SCARA5: variants seen among roughly 807,000 people sequenced by gnomAD.
SCARA5 encodes the protein scavenger receptor class A, member 5 (putative).
In SCARA5, 45 loss-of-function variants were observed where a neutral mutation model predicts 46.3. The observed-to-expected ratio is 0.97, with a 90% CI of 0.76 to 1.24. SCARA5 has a LOEUF of 1.24. Ranked by LOEUF, SCARA5 falls within the 50% of genes most tolerant of loss-of-function variation. SCARA5 has a pLI of 0.00. For synonymous variants in SCARA5, 333 were observed against 306.5 expected, an observed-to-expected ratio of 1.09 and a Z score of -0.90; for missense variants, 680 against 689.0, an observed-to-expected ratio of 0.99 and a Z score of 0.15.
At chr8:27,897,314 T>A (rs2129723937) in intron 7 of SCARA5, among the ~76,000 whole-genome samples, 1 of 152,282 alleles carries the variant, frequency 6.6e-6, no homozygotes, top group South Asian at 2.1e-4. Context: ...CTGCATCCAC[T>A]CCCAGCATAA....
intron 7 of SCARA5, chr8:27,904,463 C>A: frequency 2.0e-6 from 1 of 508,856 alleles, no homozygotes; most frequent in East Asian, 2.8e-5. Context: ...CTCCTGTTAT[C>A]CCTATTTTAT....
intron 2 of SCARA5, among the ~76,000 whole-genome samples, chr8:27,979,288 G>T (rs988473574): frequency 5.9e-5 from 9 of 152,190 alleles, no homozygotes; most frequent in Non-Finnish European, 1.2e-4. Context: ...GCAGGCCCAG[G>T]AGCAGAAGCA....
intron 4 of SCARA5, among the ~76,000 whole-genome samples, chr8:27,921,124 T>C (rs538969756): frequency 1.3e-5 from 2 of 152,274 alleles, no homozygotes; most frequent in East Asian, 1.9e-4. Flanking sequence ...AGGTTCAAGT[T>C]TGGAATTCTC....
chr8:27,975,396 T>C (rs1317107602), intron 2 of SCARA5, among the ~76,000 whole-genome samples: 9 of 152,186 alleles, frequency 5.9e-5, no homozygotes, highest in Admixed American at 6.5e-5. Flanking sequence ...GGAAGCACTC[T>C]AGCAAATTAA....
intron 3 of SCARA5, among the ~76,000 whole-genome samples, chr8:27,923,002 C>T (rs1175406211): frequency 6.6e-6 from 1 of 152,242 alleles, no homozygotes; most frequent in African/African-American, 2.4e-5. Flanking sequence ...ATGAGCAATA[C>T]ATTTGTTGCT....
At chr8:27,913,183 A>C (rs1207743759) in intron 4 of SCARA5, among the ~76,000 whole-genome samples, 3 of 152,162 alleles carry the variant, frequency 2.0e-5, no homozygotes, top group Non-Finnish European at 4.4e-5. Flanking sequence ...TGTTTTAAAC[A>C]TAACTATGTG....
At chr8:27,900,859 C>T (rs7002829) in intron 7 of SCARA5, among the ~76,000 whole-genome samples, 8,854 of 148,866 alleles carry the variant, frequency 0.059, 404 homozygotes, top group African/African-American at 0.12. Context: ...TGATATTGCC[C>T]TTGACTGAAA....
intron 2 of SCARA5, among the ~76,000 whole-genome samples, chr8:27,984,694 A>G (rs527758802): frequency 6.6e-6 from 1 of 151,832 alleles, no homozygotes; most frequent in Admixed American, 6.6e-5. Context: ...GCATCCATCC[A>G]TCCATTCATC....
chr8:27,885,196 A>C (rs1806875413), intron 7 of SCARA5, among the ~76,000 whole-genome samples: 1 of 152,104 alleles, frequency 6.6e-6, no homozygotes, highest in South Asian at 2.1e-4. Context: ...GGGGAGTGAG[A>C]GCAGGTGCCA....
At chr8:27,968,315 C>T (rs749334481) in intron 2 of SCARA5, among the ~76,000 whole-genome samples, 22 of 152,334 alleles carry the variant, frequency 1.4e-4, no homozygotes, top group Middle Eastern at 6.8e-3. Context: ...ACATTGGGTG[C>T]AGTGTCGAGC....
At chr8:27,894,578 G>A (rs933923581) in intron 7 of SCARA5, among the ~76,000 whole-genome samples, 1 of 152,204 alleles carries the variant, frequency 6.6e-6, no homozygotes, top group Non-Finnish European at 1.5e-5. Context: ...AGCCAAGGCT[G>A]AGAAGCTCTG....
chr8:27,979,587 T>A (rs968806932), intron 2 of SCARA5, among the ~76,000 whole-genome samples: 1 of 150,818 alleles, frequency 6.6e-6, no homozygotes, highest in African/African-American at 2.4e-5. Flanking sequence ...GGAGTTGTAC[T>A]CCGTTGCCCA....
intron 3 of SCARA5, among the ~76,000 whole-genome samples, chr8:27,958,999 G>A (rs1383173062): frequency 4.6e-5 from 7 of 152,290 alleles, no homozygotes; most frequent in East Asian, 1.9e-4. Context: ...TTGGGAGGCC[G>A]AGGCAGGAAG....
chr8:27,915,728 C>G lies in SCARA5; in HGVS notation c.916+5843G>C, dbSNP rs574496664. Among the ~76,000 whole-genome samples, 4 of 152,320 alleles carry G rather than the reference C, an allele frequency of 2.6e-5. No homozygotes were observed. The East Asian group carries it at 7.7e-4, about 29-fold the overall frequency. On this transcript the variant is annotated intron_variant, in intron 4 of 8. Transcript: ENST00000354914. ...TGTATTTTTTTTGTCCCAGCCAGGTCACTGGATGGTTTTGTGACTTCAGCC... is the reference window on the plus strand; with the variant it reads ...TGTATTTTTTTTGTCCCAGCCAGGTGACTGGATGGTTTTGTGACTTCAGCC...
chr8:27,922,388 G>A (rs914370369), intron 3 of SCARA5, 143 bp from the exon 4 acceptor site: 6 of 569,734 alleles, frequency 1.1e-5, no homozygotes, highest in African/African-American at 3.9e-5. Context: ...TGTGCTGAGC[G>A]CTTTACTAGA....
intron 3 of SCARA5, among the ~76,000 whole-genome samples, chr8:27,930,666 T>C (rs1807756473): frequency 6.6e-6 from 1 of 152,188 alleles, no homozygotes; most frequent in Non-Finnish European, 1.5e-5. Context: ...CCACCCAAAG[T>C]GCTGGGATTA....
chr8:27,911,216 T>C (rs1807368897), intron 4 of SCARA5, among the ~76,000 whole-genome samples: 1 of 143,766 alleles, frequency 7.0e-6, no homozygotes, highest in Admixed American at 7.0e-5. Context: ...CTTGAATGCA[T>C]GTGCTTGGTG....
intron 3 of SCARA5, among the ~76,000 whole-genome samples, chr8:27,947,209 G>C (rs1017104107): frequency 3.3e-5 from 5 of 151,990 alleles, no homozygotes; most frequent in Non-Finnish European, 7.4e-5. Flanking sequence ...ACAGGGTTTC[G>C]CCGTGTTGGC....
intron 3 of SCARA5, among the ~76,000 whole-genome samples, chr8:27,965,511 G>A (rs1280092432): frequency 7.3e-6 from 1 of 137,538 alleles, no homozygotes; most frequent in Non-Finnish European, 1.6e-5. Flanking sequence ...TCTGCCTTGA[G>A]GCAGGGCTCT....
Sources: allele counts gnomAD v4.1 joint callset (sites outside exome capture counted in the v4.1 genomes callset), GRCh38; gene constraint gnomAD v4.1.1; transcripts MANE v1.5; gene names NCBI Gene and HGNC (gene_info 2026-07-23, HGNC 2026-07-21).